The following WTAP variants were observed in gnomAD, a reference collection of about 807,000 sequenced individuals.
WTAP encodes WT1 associated protein, also known as pre-mRNA-splicing regulator WTAP.
In WTAP, 8 loss-of-function variants were observed where a neutral mutation model predicts 50.0. That is an observed-to-expected ratio of 0.16 (90% confidence interval 0.09 to 0.29). The LOEUF (loss-of-function observed/expected upper bound fraction) is 0.29. Among genes scored for constraint, WTAP ranks in the 10% least tolerant of loss-of-function variants. The pLI is 1.00. For synonymous variants in WTAP, 194 were observed against 169.0 expected (o/e 1.15, Z -1.15); for missense variants, 295 against 470.7 (o/e 0.63, Z 3.45).
Position 159,753,005 on chromosome 6 carries a change from T to A in WTAP, c.453-455T>A, listed in dbSNP as rs150034420. Reference sequence around the variant, plus strand: ...ATGTTTTTCTAGCAAGAATAAATACTCTCATTCATTTTTATTTGTAGGTAC... The same window carrying A: ...ATGTTTTTCTAGCAAGAATAAATACACTCATTCATTTTTATTTGTAGGTAC... On this transcript the variant is annotated intron_variant, in intron 6 of 7. Transcript: ENST00000621533. Among the ~76,000 whole-genome samples, 3 of 152,380 alleles carry A rather than the reference T, an allele frequency of 2.0e-5. No homozygotes were observed. In the East Asian group the frequency reaches 5.8e-4, roughly 29 times the overall value.
At chr6:159,729,469 T>C (rs1297856546) in intron 1 of WTAP, among the ~76,000 whole-genome samples, 1 of 152,372 alleles carries the variant, frequency 6.6e-6, no homozygotes, top group Admixed American at 6.5e-5. Context: ...AATATATTGC[T>C]GTAAATATTT....
At chr6:159,753,885 G>A (rs2114959201) in intron 7 of WTAP, among the ~76,000 whole-genome samples, 1 of 152,196 alleles carries the variant, frequency 6.6e-6, no homozygotes, top group South Asian at 2.1e-4. Context: ...AAGATAAAAG[G>A]GTGTTGTATT....
intron 1 of WTAP, among the ~76,000 whole-genome samples, chr6:159,732,824 G>A (rs1428227948): frequency 1.3e-5 from 2 of 151,842 alleles, no homozygotes; most frequent in Non-Finnish European, 2.9e-5. Context: ...GGCGCAGGGG[G>A]AGGGGGAGTG....
Position 159,755,749 on chromosome 6 carries a change from G to GTTTTTTTTTTTTTTTTTTTT in WTAP, c.*148_*149insTTTTTTTTTTTTTTTTTTTT, listed in dbSNP as rs1402868444. The GTTTTTTTTTTTTTTTTTTTT allele has an allele frequency of 2.7e-5, 8 of 300,244 alleles. No individual in the cohort carries two copies. The highest frequency in any genetic ancestry group is 7.0e-5 in the African/African-American group (1 of 14,378). The allele number at this position is 300,244 out of a possible 1,614,324, so 18.6% of individuals were successfully genotyped here. On this transcript the variant is annotated 3_prime_UTR_variant, in exon 8 of 8. Coordinates refer to ENST00000621533, the MANE Select transcript of WTAP (RefSeq NM_001270531.2). ...TTTTTTTTTGTTGTTTTTTTTCTTT[G>GTTTTTTTTTTTTTTTTTTTT]TTTTTTTTTTCTTTTCTTTTTTTTT...
chr6:159,736,351 T>C, intron 2 of WTAP, 56 bp downstream of exon 2: 2 of 1,347,338 alleles, frequency 1.5e-6, no homozygotes, highest in Non-Finnish European at 2.1e-6. Context: ...TGGGGGCTTT[T>C]TTAAGCACTT....
chr6:159,727,767 C>T (rs2114853406), intron 1 of WTAP, 64 bp downstream of exon 1: 2 of 973,236 alleles, frequency 2.1e-6, no homozygotes, highest in Non-Finnish European at 2.4e-6. Context: ...GGCTGATGCG[C>T]AGCCGCCCCC....
At chr6:159,750,462 CG>C (rs1779777762) in intron 6 of WTAP, among the ~76,000 whole-genome samples, 2 of 152,090 alleles carry the variant, frequency 1.3e-5, no homozygotes, top group African/African-American at 4.8e-5. Context: ...GTGTCACTCC[CG>C]GATGTGACCT....
chr6:159,733,034 A>G (rs1778685036), intron 1 of WTAP, among the ~76,000 whole-genome samples: 3 of 152,130 alleles, frequency 2.0e-5, no homozygotes, highest in Admixed American at 2.0e-4. Context: ...AGAAGTAGTT[A>G]GACATGTGGA....
chr6:159,726,726 C>T, upstream of WTAP: 9 of 1,265,790 alleles, frequency 7.1e-6, no homozygotes, highest in Non-Finnish European at 9.2e-6. Context: ...ACCTCCGACG[C>T]CAGAGAACAA....
chr6:159,750,290 A>G (rs1779770714), intron 6 of WTAP, among the ~76,000 whole-genome samples: 1 of 152,248 alleles, frequency 6.6e-6, no homozygotes. Context: ...TATTATTAAC[A>G]TGTACTCAAA....
intron 6 of WTAP, among the ~76,000 whole-genome samples, chr6:159,749,810 C>A (rs952785619): frequency 2.0e-5 from 3 of 152,130 alleles, no homozygotes; most frequent in Non-Finnish European, 4.4e-5. Context: ...ATAAATGAGG[C>A]ATTATTTTCT....
intron 6 of WTAP, chr6:159,749,059 T>C (rs1232192814): frequency 2.3e-5 from 23 of 990,232 alleles, no homozygotes; most frequent in African/African-American, 3.5e-5. Flanking sequence ...GGCTCTATAT[T>C]ACTTGCTTGA....
chr6:159,739,270 C>G (rs1398681333), intron 3 of WTAP, among the ~76,000 whole-genome samples: 1 of 152,086 alleles, frequency 6.6e-6, no homozygotes, highest in African/African-American at 2.4e-5. Flanking sequence ...AAATATATGG[C>G]TTGTTTTGTG....
At chr6:159,726,768 G>C, upstream of WTAP, 1 of 1,288,876 alleles carries the variant, frequency 7.8e-7, no homozygotes, top group Non-Finnish European at 1.0e-6. Context: ...GAGATGTCAA[G>C]GAGGAACGAA....
chr6:159,731,209 C>T (rs1266312766), intron 1 of WTAP, among the ~76,000 whole-genome samples: 1 of 151,668 alleles, frequency 6.6e-6, no homozygotes, highest in East Asian at 2.0e-4. Flanking sequence ...CAACTGTAGT[C>T]CCAGCACTTT....
intron 6 of WTAP, among the ~76,000 whole-genome samples, chr6:159,751,674 G>A (rs145715271): frequency 0.011 from 1,735 of 152,250 alleles, 113 homozygotes; most frequent in Admixed American, 0.098. Context: ...TTTCACCCTC[G>A]GGCTCCTCTG....
At chr6:159,735,703 C>G (rs1485690906) in intron 1 of WTAP, among the ~76,000 whole-genome samples, 1 of 151,990 alleles carries the variant, frequency 6.6e-6, no homozygotes, top group East Asian at 1.9e-4. Flanking sequence ...GACCTGAGAT[C>G]GCGCCACTGC....
chr6:159,735,792 T>C (rs1459365751), intron 1 of WTAP, among the ~76,000 whole-genome samples: 3 of 152,046 alleles, frequency 2.0e-5, no homozygotes, highest in Non-Finnish European at 4.4e-5. Context: ...AAAAAACTAT[T>C]GGGCAGTAGT....
intron 5 of WTAP, among the ~76,000 whole-genome samples, chr6:159,744,834 C>T (rs566352609): frequency 3.3e-5 from 5 of 152,286 alleles, no homozygotes; most frequent in African/African-American, 1.2e-4. Flanking sequence ...TGTGCGCCAC[C>T]AAGCGCAGCT....
Sources: allele counts gnomAD v4.1 joint callset (sites outside exome capture counted in the v4.1 genomes callset), GRCh38; gene constraint gnomAD v4.1.1; transcripts MANE v1.5; gene names NCBI Gene and HGNC (gene_info 2026-07-23, HGNC 2026-07-21).